Variants in NPSR1 observed in about 807,000 individuals in gnomAD.
NPSR1 encodes the protein neuropeptide S receptor 1, also known as neuropeptide S receptor.
NPSR1 carries 48 observed loss-of-function variants against 46.9 expected under a neutral mutation model. The ratio of observed to expected loss-of-function variants is 1.02; its 90% CI spans 0.81 to 1.30. The LOEUF (loss-of-function observed/expected upper bound fraction) is 1.30. NPSR1 is among the 50% of genes most tolerant of loss of function. The pLI, the probability that NPSR1 is intolerant of heterozygous loss-of-function variation, is 0.00. For missense variants in NPSR1, 450 were observed against 449.5 expected (o/e 1.00, Z -0.01); for synonymous variants, 176 against 168.1 (o/e 1.05, Z -0.36).
chr7:34,775,775 G>A (rs1045960890), intron 2 of NPSR1, among the ~76,000 whole-genome samples: 5 of 151,724 alleles, frequency 3.3e-5, no homozygotes, highest in African/African-American at 4.8e-5. Flanking sequence ...TACTAATTTT[G>A]AGTTTGTTAT....
intron 3 of NPSR1, among the ~76,000 whole-genome samples, chr7:34,808,993 T>C (rs1268298445): frequency 6.6e-6 from 1 of 152,162 alleles, no homozygotes; most frequent in East Asian, 1.9e-4. Flanking sequence ...GACACTCTTA[T>C]TTATGGCTCT....
In NPSR1 at chr7:34,847,133, G is replaced by T. The variant is rs895650529; in HGVS notation, c.845-1350G>T. Among the ~76,000 whole-genome samples the T allele has an allele frequency of 5.9e-5, 9 of 152,158 alleles. No individual in the cohort carries two copies. The East Asian group carries it at 1.7e-3, about 29-fold the overall frequency. On this transcript the variant is annotated intron_variant, in intron 7 of 8. Coordinates refer to ENST00000360581, the MANE Select transcript of NPSR1 (RefSeq NM_207172.2). ...TCTTTAATACATTGCCAAGGTCTGG[G>T]GTCGAGAGGGGAAACATGAGTCAGT...
chr7:34,752,279 A>G (rs1016051229), intron 2 of NPSR1, among the ~76,000 whole-genome samples: 4 of 152,080 alleles, frequency 2.6e-5, no homozygotes, highest in African/African-American at 7.2e-5. Flanking sequence ...CTTAATCTAA[A>G]TGGGTCCAGG....
At chr7:34,689,604 C>CAAAAAAAAAAAAAAAAAAAGAAAAA (rs1793123337) in intron 2 of NPSR1, among the ~76,000 whole-genome samples, 1 of 36,676 alleles carries the variant, frequency 2.7e-5, no homozygotes, top group African/African-American at 1.0e-4. Context: ...GACTCTGTCT[C>CAAAAAAAAAAAAAAAAAAAGAAAAA]AAAAAAAAAA....
At chr7:34,833,996 T>G (rs929825217) in intron 5 of NPSR1, among the ~76,000 whole-genome samples, 5 of 152,174 alleles carry the variant, frequency 3.3e-5, no homozygotes, top group African/African-American at 1.2e-4. Context: ...AATGCCAGAA[T>G]CAGGGATCAT....
At position 34,829,981 on chromosome 7, in the gene NPSR1, C is replaced by T. The variant is rs570724728; in HGVS notation, c.680+2379C>T. On this transcript the variant is annotated intron_variant, in intron 5 of 8. Transcript: ENST00000360581. ...CTGACAAGAGGCTCCTCTTCCATCA[C>T]CTTCCCTCTTTCGTGGCTCCCTGCT... 8.5e-5 allele frequency among the ~76,000 whole-genome samples: 13 copies of T among 152,332 alleles called. No homozygotes were observed. The South Asian group carries it at 2.3e-3, about 27-fold the overall frequency.
chr7:34,788,882 C>T (rs948316691), intron 3 of NPSR1, among the ~76,000 whole-genome samples: 88 of 151,970 alleles, frequency 5.8e-4, no homozygotes, highest in African/African-American at 2.1e-3. Context: ...AAGGAACATT[C>T]TCCAGGATAA....
At chr7:34,831,793 T>C (rs981422459) in intron 5 of NPSR1, among the ~76,000 whole-genome samples, 2 of 152,114 alleles carry the variant, frequency 1.3e-5, no homozygotes, top group Non-Finnish European at 2.9e-5. Context: ...TCTCTTATCA[T>C]TTTCATCTCT....
chr7:34,717,842 T>C (rs981146293), intron 2 of NPSR1, among the ~76,000 whole-genome samples: 1 of 152,198 alleles, frequency 6.6e-6, no homozygotes, highest in Non-Finnish European at 1.5e-5. Context: ...GGACACATCC[T>C]GCTTGGAGAA....
chr7:34,822,235 AG>A (rs1018918631), intron 4 of NPSR1, among the ~76,000 whole-genome samples: 1 of 152,142 alleles, frequency 6.6e-6, no homozygotes, highest in African/African-American at 2.4e-5. Context: ...TCAGAATTTA[AG>A]GGCAGCTGAG....
chr7:34,739,017 T>C (rs1390795865), intron 2 of NPSR1, among the ~76,000 whole-genome samples: 1 of 152,246 alleles, frequency 6.6e-6, no homozygotes, highest in African/African-American at 2.4e-5. Flanking sequence ...TTCTGGCTTC[T>C]TTCACTTTGC....
At chr7:34,823,513 A>G (rs979355299) in intron 4 of NPSR1, among the ~76,000 whole-genome samples, 1 of 152,006 alleles carries the variant, frequency 6.6e-6, no homozygotes, top group Non-Finnish European at 1.5e-5. Context: ...AATTTTACCA[A>G]CCACATAACA....
intron 2 of NPSR1, among the ~76,000 whole-genome samples, chr7:34,705,468 C>G (rs1448815921): frequency 6.7e-6 from 1 of 149,828 alleles, no homozygotes; most frequent in East Asian, 2.0e-4. Flanking sequence ...AAAAGAAAAG[C>G]CTTTCACACT....
At chr7:34,817,973 C>G (rs1789334007) in intron 4 of NPSR1, among the ~76,000 whole-genome samples, 2 of 152,124 alleles carry the variant, frequency 1.3e-5, no homozygotes, top group African/African-American at 4.8e-5. Context: ...ACTGAATGGG[C>G]AAAAACTGGA....
chr7:34,754,054 T>A (rs1451065707), intron 2 of NPSR1, among the ~76,000 whole-genome samples: 1 of 151,974 alleles, frequency 6.6e-6, no homozygotes, highest in African/African-American at 2.4e-5. Flanking sequence ...ACTTTGACAG[T>A]TTCATGAACA....
At chr7:34,861,717 C>A (rs1791195875) in intron 8 of NPSR1, among the ~76,000 whole-genome samples, 1 of 151,858 alleles carries the variant, frequency 6.6e-6, no homozygotes, top group Non-Finnish European at 1.5e-5. Context: ...AAGCAGCCTA[C>A]TCCCAAGAGA....
In NPSR1 at chr7:34,699,085, T is replaced by C. The variant is rs367953315; in HGVS notation, c.280+14401T>C. Among the ~76,000 whole-genome samples the C allele has an allele frequency of 1.9e-4, 29 of 152,320 alleles. No individual in the cohort carries two copies. The East Asian group carries it at 2.1e-3, about 11-fold the overall frequency. ...CTATCAGAAGACCATGAATTGGTCA[T>C]ATGAGGGGAAGAAACACTGACATGA... On this transcript the variant is annotated intron_variant, in intron 2 of 8. Coordinates refer to ENST00000360581, the MANE Select transcript of NPSR1 (RefSeq NM_207172.2).
chr7:34,850,007 G>C, downstream of NPSR1: 3 of 1,026,990 alleles, frequency 2.9e-6, no homozygotes, highest in Non-Finnish European at 3.5e-6. Context: ...AAGGTAGCTG[G>C]GTTATACATG....
chr7:34,711,032 A>G, intron 2 of NPSR1: 3 of 361,542 alleles, frequency 8.3e-6, no homozygotes, highest in South Asian at 7.6e-5. Context: ...GGCATTTGTC[A>G]TCAGGATCAG....
Sources: allele counts gnomAD v4.1 joint callset (sites outside exome capture counted in the v4.1 genomes callset), GRCh38; gene constraint gnomAD v4.1.1; transcripts MANE v1.5; gene names NCBI Gene and HGNC (gene_info 2026-07-23, HGNC 2026-07-21).